The following DLG2 variants were observed in gnomAD, a reference collection of about 807,000 sequenced individuals.
DLG2 encodes discs large MAGUK scaffold protein 2, also known as disks large homolog 2.
Under a neutral mutation model 132.5 loss-of-function variants are expected in DLG2, and 45 were observed. The observed-to-expected ratio is 0.34, with a 90% CI of 0.27 to 0.44. The LOEUF (loss-of-function observed/expected upper bound fraction) is 0.44, where lower values mean the gene tolerates loss of function less well. Among genes scored for constraint, DLG2 ranks in the 20% least tolerant of loss-of-function variants. The pLI is 1.00. For missense variants in DLG2, 1,045 were observed against 1,196.9 expected, an observed-to-expected ratio of 0.87 and a Z score of 1.87; for synonymous variants, 424 against 419.6, an observed-to-expected ratio of 1.01 and a Z score of -0.13.
intron 17 of DLG2, among the ~76,000 whole-genome samples, chr11:83,822,116 C>T (rs1281488604): frequency 2.0e-5 from 3 of 152,144 alleles, no homozygotes; most frequent in African/African-American, 7.2e-5. Context: ...CCTTTTACTA[C>T]AGTCTGGTCT....
chr11:84,075,013 C>T (rs757814842), intron 10 of DLG2, among the ~76,000 whole-genome samples: 3 of 152,116 alleles, frequency 2.0e-5, no homozygotes, highest in Admixed American at 6.6e-5. Flanking sequence ...CTCCTAGCAT[C>T]GTCTACCATT....
intron 6 of DLG2, among the ~76,000 whole-genome samples, chr11:84,756,337 G>C (rs2066873603): frequency 6.6e-6 from 1 of 152,190 alleles, no homozygotes; most frequent in Non-Finnish European, 1.5e-5. Flanking sequence ...GACCAGGCAT[G>C]GTGGCTCACA....
chr11:84,228,940 T>C (rs1337993185), intron 8 of DLG2, among the ~76,000 whole-genome samples: 1 of 152,186 alleles, frequency 6.6e-6, no homozygotes, highest in African/African-American at 2.4e-5. Flanking sequence ...ATTCCTTGAA[T>C]GAGGTCCACA....
chr11:83,572,721 G>C (rs2096818092), intron 19 of DLG2, among the ~76,000 whole-genome samples: 1 of 152,188 alleles, frequency 6.6e-6, no homozygotes, highest in Non-Finnish European at 1.5e-5. Context: ...TGGAGCATCT[G>C]CTGAGGTGGA....
At chr11:85,151,101 G>A (rs1033489924) in intron 5 of DLG2, among the ~76,000 whole-genome samples, 22 of 152,052 alleles carry the variant, frequency 1.4e-4, no homozygotes, top group African/African-American at 5.1e-4. Flanking sequence ...GTTTTGATTG[G>A]CATTTCCCTC....
chr11:84,385,238 G>T (rs1213302851), intron 7 of DLG2, among the ~76,000 whole-genome samples: 1 of 151,752 alleles, frequency 6.6e-6, no homozygotes, highest in African/African-American at 2.4e-5. Flanking sequence ...TCTCTTTAAA[G>T]AGTTTTAAAA....
intron 18 of DLG2, among the ~76,000 whole-genome samples, chr11:83,731,810 A>G (rs1285719412): frequency 1.3e-5 from 2 of 152,086 alleles, no homozygotes; most frequent in Non-Finnish European, 2.9e-5. Flanking sequence ...TTGTTTCTTG[A>G]CTTTTTGATA....
At chr11:85,347,962 C>A (rs796472271) in intron 3 of DLG2, among the ~76,000 whole-genome samples, 2 of 132,350 alleles carry the variant, frequency 1.5e-5, no homozygotes, top group African/African-American at 5.8e-5. Context: ...TGCCACCACA[C>A]TTAACTTTTT....
chr11:84,230,855 G>C (rs2097082167), intron 8 of DLG2, among the ~76,000 whole-genome samples: 1 of 152,088 alleles, frequency 6.6e-6, no homozygotes. Context: ...GACAACATGA[G>C]TATCTTCTAT....
chr11:85,579,262 A>G (rs140182736), intron 3 of DLG2, among the ~76,000 whole-genome samples: 2 of 152,216 alleles, frequency 1.3e-5, no homozygotes, highest in East Asian at 1.9e-4. Flanking sequence ...GGGAGAGAAT[A>G]AGGAAAAATA....
intron 6 of DLG2, among the ~76,000 whole-genome samples, chr11:84,569,553 A>C (rs776630310): frequency 1.3e-5 from 2 of 152,176 alleles, no homozygotes; most frequent in Non-Finnish European, 2.9e-5. Flanking sequence ...AAAAAGAACC[A>C]GATAGAAATC....
At chr11:84,720,793 A>T (rs1249802324) in intron 6 of DLG2, 2 of 152,346 alleles carry the variant, frequency 1.3e-5, no homozygotes, top group East Asian at 3.9e-4. Context: ...CCCCAGTCAC[A>T]CAAGATTGTC....
chr11:85,268,244 C>T (rs1402283592), intron 4 of DLG2, among the ~76,000 whole-genome samples: 1 of 152,148 alleles, frequency 6.6e-6, no homozygotes, highest in East Asian at 1.9e-4. Flanking sequence ...AAAGCCATCC[C>T]TCTGCTCACT....
intron 4 of DLG2, among the ~76,000 whole-genome samples, chr11:85,263,903 T>C (rs2077070829): frequency 6.6e-6 from 1 of 151,974 alleles, no homozygotes; most frequent in African/African-American, 2.4e-5. Flanking sequence ...GAAAGCAAGT[T>C]TATTAGAGAG....
chr11:85,343,969 A>G (rs1284424013), intron 3 of DLG2, among the ~76,000 whole-genome samples: 5 of 152,202 alleles, frequency 3.3e-5, no homozygotes, highest in African/African-American at 1.2e-4. Context: ...CAGATTTGAA[A>G]AAGTGGATGT....
At chr11:84,748,424 T>G (rs2065670763) in intron 6 of DLG2, among the ~76,000 whole-genome samples, 1 of 152,218 alleles carries the variant, frequency 6.6e-6, no homozygotes, top group East Asian at 1.9e-4. Flanking sequence ...GATAACATTT[T>G]CATTTGCACA....
chr11:84,792,954 A>T (rs2074073622), intron 6 of DLG2, among the ~76,000 whole-genome samples: 1 of 151,836 alleles, frequency 6.6e-6, no homozygotes, highest in Non-Finnish European at 1.5e-5. Flanking sequence ...TTCTTTTACT[A>T]ATTTTGGGTT....
intron 4 of DLG2, among the ~76,000 whole-genome samples, chr11:85,199,250 T>C (rs1037498003): frequency 5.3e-5 from 8 of 152,138 alleles, no homozygotes; most frequent in African/African-American, 1.7e-4. Flanking sequence ...TACAAAAACA[T>C]GGATGAACCT....
At chr11:84,267,709 G>T (rs780944599) in intron 7 of DLG2, among the ~76,000 whole-genome samples, 8 of 152,154 alleles carry the variant, frequency 5.3e-5, no homozygotes, top group Non-Finnish European at 7.4e-5. Context: ...ATTTCTCTGT[G>T]TCTTTCTTTG....
Sources: allele counts gnomAD v4.1 joint callset (sites outside exome capture counted in the v4.1 genomes callset), GRCh38; gene constraint gnomAD v4.1.1; transcripts MANE v1.5; gene names NCBI Gene and HGNC (gene_info 2026-07-23, HGNC 2026-07-21).